The following DSCAM variants were observed in gnomAD, a reference collection of about 807,000 sequenced individuals.
The protein encoded by DSCAM is cell adhesion molecule DSCAM.
In DSCAM, 47 loss-of-function variants were observed where a neutral mutation model predicts 217.7. That is an observed-to-expected ratio of 0.22 (90% CI 0.17 to 0.28). The LOEUF (loss-of-function observed/expected upper bound fraction) is 0.28. DSCAM is among the 10% of genes least tolerant of loss of function. DSCAM has a pLI of 1.00. For synonymous variants in DSCAM, 1,056 were observed against 1,015.3 expected (o/e 1.04, Z -0.76); for missense variants, 2,080 against 2,618.3 (o/e 0.79, Z 4.49).
At position 40,401,615 on chromosome 21, in the gene DSCAM, A is replaced by G. The variant is rs186451630; in HGVS notation, c.509-32370T>C. ...CCCTAAAGGGTCTTGGAGACCATCA[A>G]GCGTGCAGGGACCACTCCTTGAGGA... On this transcript the variant is annotated intron_variant, in intron 3 of 32. Coordinates refer to ENST00000400454, the MANE Select transcript of DSCAM (RefSeq NM_001389.5). 2.3e-4 allele frequency among the ~76,000 whole-genome samples: 35 copies of G among 152,348 alleles called. No homozygotes were observed. The East Asian group carries it at 5.2e-3, about 23-fold the overall frequency.
At chr21:40,638,107 G>C (rs2089831570) in intron 3 of DSCAM, among the ~76,000 whole-genome samples, 2 of 152,252 alleles carry the variant, frequency 1.3e-5, no homozygotes, top group African/African-American at 4.8e-5. Context: ...GTGAATCTCA[G>C]AGATAAAATA....
At chr21:40,289,424 C>T (rs1474623886) in intron 10 of DSCAM, among the ~76,000 whole-genome samples, 1 of 152,154 alleles carries the variant, frequency 6.6e-6, no homozygotes, top group African/African-American at 2.4e-5. Context: ...GGCATTTGTA[C>T]ACAACAATCT....
At chr21:40,740,677 A>G (rs1243268501) in intron 1 of DSCAM, among the ~76,000 whole-genome samples, 1 of 152,224 alleles carries the variant, frequency 6.6e-6, no homozygotes, top group African/African-American at 2.4e-5. Context: ...GACCCAAGTA[A>G]GGCAGGCTAA....
intron 11 of DSCAM, among the ~76,000 whole-genome samples, chr21:40,234,633 A>G (rs1209709267): frequency 1.3e-5 from 2 of 152,136 alleles, no homozygotes; most frequent in East Asian, 1.9e-4. Flanking sequence ...TGCCTATTCT[A>G]TGATGTTCTT....
chr21:40,342,628 A>G (rs566466943), intron 6 of DSCAM, among the ~76,000 whole-genome samples: 1,362 of 70,796 alleles, frequency 0.019, 33 homozygotes, highest in African/African-American at 0.068. Flanking sequence ...GTGTGTGTGT[A>G]TATATATATA....
intron 3 of DSCAM, among the ~76,000 whole-genome samples, chr21:40,503,821 T>C (rs2146041070): frequency 6.6e-6 from 1 of 152,348 alleles, no homozygotes; most frequent in South Asian, 2.1e-4. Flanking sequence ...TTTGGCTGGA[T>C]AGTATCTTCA....
At chr21:40,138,513 A>G (rs1397740812) in intron 18 of DSCAM, among the ~76,000 whole-genome samples, 1 of 119,862 alleles carries the variant, frequency 8.3e-6, no homozygotes, top group South Asian at 2.9e-4. Context: ...GTGCATATGT[A>G]TGCGGAGTGT....
chr21:40,742,583 A>C (rs1337379750), intron 1 of DSCAM, among the ~76,000 whole-genome samples: 1 of 152,236 alleles, frequency 6.6e-6, no homozygotes, highest in Non-Finnish European at 1.5e-5. Context: ...GTTTGTGATA[A>C]TTTGTGACAG....
At chr21:40,380,077 A>G (rs182257964) in intron 3 of DSCAM, among the ~76,000 whole-genome samples, 1 of 152,328 alleles carries the variant, frequency 6.6e-6, no homozygotes, top group Non-Finnish European at 1.5e-5. Flanking sequence ...TTTCACTAAG[A>G]CATTTCTTTT....
At chr21:40,843,368 ATGTGTGTGTGTG>A (rs36229663) in intron 1 of DSCAM, among the ~76,000 whole-genome samples, 4,708 of 146,056 alleles carry the variant, frequency 0.032, 225 homozygotes, top group African/African-American at 0.11. Flanking sequence ...GAATGCATGC[ATGTGTGTGTGTG>A]TGTGTGTGTG....
chr21:40,297,967 A>G (rs535045197), intron 9 of DSCAM, among the ~76,000 whole-genome samples: 74 of 152,300 alleles, frequency 4.9e-4, no homozygotes, highest in Non-Finnish European at 8.5e-4. Context: ...AACTCATTTT[A>G]AGGATTGTTA....
chr21:40,056,354 T>C (rs2089022811), intron 28 of DSCAM, among the ~76,000 whole-genome samples: 1 of 152,220 alleles, frequency 6.6e-6, no homozygotes, highest in South Asian at 2.1e-4. Flanking sequence ...CAAACCTTGT[T>C]AGCTTCCCTG....
intron 9 of DSCAM, among the ~76,000 whole-genome samples, chr21:40,298,084 CT>C (rs59908038): frequency 0.012 from 1,609 of 132,562 alleles, 9 homozygotes; most frequent in Middle Eastern, 0.031. Context: ...TTAGCTTTTA[CT>C]TTTTTTTTTT....
intron 1 of DSCAM, among the ~76,000 whole-genome samples, chr21:40,759,029 T>C (rs905142689): frequency 6.6e-6 from 1 of 152,172 alleles, no homozygotes; most frequent in African/African-American, 2.4e-5. Context: ...GGATCCGGAC[T>C]GCACAAGGCT....
chr21:40,664,675 ACTTC>A (rs1474479173), intron 3 of DSCAM, among the ~76,000 whole-genome samples: 1 of 152,150 alleles, frequency 6.6e-6, no homozygotes, highest in South Asian at 2.1e-4. Flanking sequence ...AGTGCCCACT[ACTTC>A]CTTGTCAGAT....
intron 3 of DSCAM, among the ~76,000 whole-genome samples, chr21:40,560,229 A>G (rs1214614736): frequency 6.6e-6 from 1 of 152,206 alleles, no homozygotes; most frequent in Non-Finnish European, 1.5e-5. Flanking sequence ...CAATACAAGG[A>G]AGGCTCTTCT....
intron 3 of DSCAM, among the ~76,000 whole-genome samples, chr21:40,575,403 G>T (rs1401869317): frequency 2.0e-5 from 3 of 151,850 alleles, no homozygotes; most frequent in Non-Finnish European, 4.4e-5. Context: ...ACACGGACGC[G>T]AATGAAACAT....
At chr21:40,662,704 C>T (rs1230654549) in intron 3 of DSCAM, among the ~76,000 whole-genome samples, 3 of 152,124 alleles carry the variant, frequency 2.0e-5, no homozygotes, top group Non-Finnish European at 4.4e-5. Flanking sequence ...CCTCAGAGAG[C>T]CACAAGACCA....
intron 1 of DSCAM, among the ~76,000 whole-genome samples, chr21:40,788,009 A>C (rs1208006196): frequency 6.6e-6 from 1 of 152,170 alleles, no homozygotes; most frequent in Non-Finnish European, 1.5e-5. Context: ...CAGGTTAAGG[A>C]TGTTTCTCTG....
Sources: gnomAD v4.1 joint callset for allele counts (sites outside exome capture counted in the v4.1 genomes callset) on GRCh38, gnomAD v4.1.1 for gene constraint, MANE v1.5 for transcripts, NCBI Gene and HGNC (gene_info 2026-07-23, HGNC 2026-07-21) for gene names.